The following KLHL4 variants were observed in gnomAD, a reference collection of about 807,000 sequenced individuals.
The protein encoded by KLHL4 is kelch like family member 4.
KLHL4 carries 17 observed loss-of-function variants against 45.8 expected under a neutral mutation model. That is an observed-to-expected ratio of 0.37 (90% CI 0.25 to 0.56). The LOEUF is 0.56. Ranked by LOEUF, KLHL4 falls within the 20% of genes least tolerant of loss-of-function variation. The pLI, the probability that KLHL4 is intolerant of heterozygous loss-of-function variation, is 0.79. For synonymous variants in KLHL4, 224 were observed against 189.9 expected (o/e 1.18, Z -1.47); for missense variants, 544 against 544.9 (o/e 1.00, Z 0.02).
intron 1 of KLHL4, among the ~76,000 whole-genome samples, chrX:87,602,154 T>A (rs770003910): frequency 2.7e-5 from 3 of 111,304 alleles, no homozygotes; most frequent in African/African-American, 6.5e-5. Context: ...AATTAAAAAA[T>A]TACAGAGAAA....
chrX:87,591,299 G>A (rs942696858), intron 1 of KLHL4, among the ~76,000 whole-genome samples: 3 of 111,745 alleles, frequency 2.7e-5, no homozygotes, highest in African/African-American at 9.7e-5. Flanking sequence ...TTTGAGAAAT[G>A]TCTATTCAGA....
intron 1 of KLHL4, among the ~76,000 whole-genome samples, chrX:87,551,509 C>A (rs1299682113): frequency 9.0e-6 from 1 of 110,752 alleles, no homozygotes; most frequent in African/African-American, 3.3e-5. Flanking sequence ...TTCGAAAGTT[C>A]ATAGGGAACC....
intron 1 of KLHL4, among the ~76,000 whole-genome samples, chrX:87,581,041 G>T (rs1352272987): frequency 3.6e-5 from 4 of 112,185 alleles, no homozygotes; most frequent in African/African-American, 1.3e-4. Flanking sequence ...GCTTTAAAGA[G>T]CCCAAGCTGA....
intron 1 of KLHL4, among the ~76,000 whole-genome samples, chrX:87,583,205 C>T (rs985869470): frequency 6.3e-5 from 7 of 111,925 alleles, no homozygotes; most frequent in Non-Finnish European, 1.3e-4. Flanking sequence ...TTGCTAGCTA[C>T]AGAGCACTGA....
At chrX:87,555,778 T>C (rs1407911617) in intron 1 of KLHL4, among the ~76,000 whole-genome samples, 1 of 108,641 alleles carries the variant, frequency 9.2e-6, no homozygotes, top group South Asian at 4.2e-4. Flanking sequence ...ATGTGTTTGC[T>C]CTTGCTTTTC....
chrX:87,664,785 A>G lies in KLHL4; in HGVS notation c.1947A>G (p.Ser649=). 1.7e-6 allele frequency: 2 copies of G among 1,203,300 alleles called. No individual in the cohort carries two copies. The highest frequency in any genetic ancestry group is 1.1e-6 in the Non-Finnish European group (1 of 891,202). Residue 649 remains serine, a synonymous_variant, in exon 10 of 11, where the codon TCA becomes TCG. Transcript: ENST00000373119. ...TAAGGTATGATCCAAAAGGTGATTCATGGTCAACTGTGGCACCTCTGAGTG... is the reference window on the plus strand; with the variant it reads ...TAAGGTATGATCCAAAAGGTGATTCGTGGTCAACTGTGGCACCTCTGAGTG... ...CVERYDPKGD[S]WSTVAPLSVP...
intron 9 of KLHL4, among the ~76,000 whole-genome samples, chrX:87,660,747 G>A (rs1924160531): frequency 8.9e-6 from 1 of 112,581 alleles, no homozygotes; most frequent in African/African-American, 3.2e-5. Flanking sequence ...GGGAGGCTGA[G>A]GCATGAGAAT....
At position 87,551,872 on chromosome X, in the gene KLHL4, C is replaced by G. The variant is rs141852320; in HGVS notation, c.422+33557C>G. ...CACATGTTGGAGAATGAAACTGAAT[C>G]CTCATCTCTCATATTCTACAAAAAT... is the stretch of plus-strand genomic sequence containing the variant. On this transcript the variant is annotated intron_variant, in intron 1 of 10. Transcript: ENST00000373119. Among the ~76,000 whole-genome samples, 435 of 111,231 alleles carry G rather than the reference C, an allele frequency of 3.9e-3. 1 individual carries two copies. Among genetic ancestry groups the G allele is most frequent in the Non-Finnish European group, 5.0e-3 (264 of 52,847 alleles).
At chrX:87,532,761 T>C (rs1293700611) in intron 1 of KLHL4, among the ~76,000 whole-genome samples, 12 of 107,674 alleles carry the variant, frequency 1.1e-4, no homozygotes, top group East Asian at 5.8e-4. Context: ...ATAAGAATGC[T>C]TGTGATTTTT....
chrX:87,645,668 C>T (rs748673373), intron 9 of KLHL4, among the ~76,000 whole-genome samples: 13 of 111,460 alleles, frequency 1.2e-4, no homozygotes, highest in Non-Finnish European at 1.9e-4. Flanking sequence ...CATCAATCAA[C>T]AAGTGGATAA....
chrX:87,669,520 GA>G lies in KLHL4; in HGVS notation c.*2995del, dbSNP rs369203178. On this transcript the variant is annotated 3_prime_UTR_variant, in exon 11 of 11. Coordinates refer to ENST00000373119, the MANE Select transcript of KLHL4 (RefSeq NM_019117.5). ...CTTCTGGAGTTCCAAATGCAATATAGAAAAAAAAACCCTGTGACTCTGGATT... is the reference window on the plus strand; with the variant it reads ...CTTCTGGAGTTCCAAATGCAATATAGAAAAAAAACCCTGTGACTCTGGATT... The G allele has an allele frequency of 9.8e-5, 71 of 725,285 alleles. No homozygotes were observed. The highest frequency in any genetic ancestry group is 3.2e-4 in the African/African-American group (13 of 40,709). 59.8% of individuals were successfully genotyped at this position (725,285 alleles called of 1,213,427 possible). A position where few individuals can be genotyped will look rare whatever the true frequency, so the allele number is the denominator to read the frequency against.
chrX:87,643,295 A>T (rs1923525199), intron 9 of KLHL4, among the ~76,000 whole-genome samples: 1 of 111,378 alleles, frequency 9.0e-6, no homozygotes, highest in Non-Finnish European at 1.9e-5. Context: ...CACATAAACT[A>T]AAAAACCTAG....
intron 1 of KLHL4, among the ~76,000 whole-genome samples, chrX:87,573,428 T>C (rs893501312): frequency 2.5e-5 from 2 of 78,850 alleles, no homozygotes; most frequent in African/African-American, 9.1e-5. Flanking sequence ...AAAATAGATA[T>C]ACAAATAAAC....
At chrX:87,543,547 G>T (rs1287003393) in intron 1 of KLHL4, among the ~76,000 whole-genome samples, 4 of 111,139 alleles carry the variant, frequency 3.6e-5, no homozygotes, top group Non-Finnish European at 7.5e-5. Context: ...TTCTCTGGGT[G>T]CTGGGGGAGG....
At chrX:87,566,578 AAAAT>A (rs1260646371) in intron 1 of KLHL4, among the ~76,000 whole-genome samples, 1 of 111,811 alleles carries the variant, frequency 8.9e-6, no homozygotes. Flanking sequence ...CTGAAAGTGA[AAAAT>A]AAAATTGTTT....
intron 9 of KLHL4, among the ~76,000 whole-genome samples, chrX:87,639,422 C>G (rs1045554380): frequency 9.0e-6 from 1 of 111,293 alleles, no homozygotes; most frequent in Non-Finnish European, 1.9e-5. Flanking sequence ...GAACATTCTC[C>G]AAGATAGACC....
At chrX:87,581,566 G>C in intron 1 of KLHL4, among the ~76,000 whole-genome samples, 1 of 112,393 alleles carries the variant, frequency 8.9e-6, no homozygotes, top group Non-Finnish European at 1.9e-5. Context: ...ATACCTCCAG[G>C]TACTGGACAA....
At chrX:87,652,106 C>A (rs1271980801) in intron 9 of KLHL4, among the ~76,000 whole-genome samples, 1 of 112,600 alleles carries the variant, frequency 8.9e-6, no homozygotes, top group Non-Finnish European at 1.9e-5. Flanking sequence ...AAAGCCACAG[C>A]CTGAGTTCTA....
chrX:87,547,681 CA>C (rs1931714237), intron 1 of KLHL4, among the ~76,000 whole-genome samples: 1 of 110,410 alleles, frequency 9.1e-6, no homozygotes, highest in Non-Finnish European at 1.9e-5. Flanking sequence ...ATTAGCTGGG[CA>C]TGGTGGCAGG....
Sources: gnomAD v4.1 joint callset for allele counts (sites outside exome capture counted in the v4.1 genomes callset) on GRCh38, gnomAD v4.1.1 for gene constraint, MANE v1.5 for transcripts, NCBI Gene and HGNC (gene_info 2026-07-23, HGNC 2026-07-21) for gene names.